The following PCDH11X variants were observed in gnomAD, a reference collection of about 807,000 sequenced individuals.
The protein encoded by PCDH11X is protocadherin 11 X-linked, also known as protocadherin-11 X-linked.
PCDH11X carries 18 observed loss-of-function variants against 53.3 expected under a neutral mutation model. The ratio of observed to expected loss-of-function variants is 0.34; its 90% CI spans 0.23 to 0.50. The LOEUF (loss-of-function observed/expected upper bound fraction) is 0.50. Among genes scored for constraint, PCDH11X ranks in the 20% least tolerant of loss-of-function variants. PCDH11X has a pLI of 0.98. For synonymous variants in PCDH11X, 279 were observed against 393.3 expected, an observed-to-expected ratio of 0.71 and a Z score of 3.44; for missense variants, 570 against 1,032.4, an observed-to-expected ratio of 0.55 and a Z score of 6.14.
chrX:92,298,257 C>T (rs1464989528), intron 8 of PCDH11X, among the ~76,000 whole-genome samples: 3 of 111,874 alleles, frequency 2.7e-5, no homozygotes, highest in Non-Finnish European at 5.6e-5. Flanking sequence ...AGCTTTTGCT[C>T]ATTCAGTATG....
intron 1 of PCDH11X, among the ~76,000 whole-genome samples, chrX:91,804,036 C>T (rs1413168559): frequency 9.0e-6 from 1 of 111,482 alleles, no homozygotes; most frequent in Non-Finnish European, 1.9e-5. Context: ...GGAAGTTTTA[C>T]GCTTCTTGTA....
chrX:92,354,086 A>G (rs1321684441), intron 8 of PCDH11X, among the ~76,000 whole-genome samples: 1 of 85,069 alleles, frequency 1.2e-5, no homozygotes, highest in Non-Finnish European at 2.2e-5. Context: ...ATAATGGAAA[A>G]GATGTTATGA....
At chrX:92,617,694 C>T (rs1260608041) in intron 10 of PCDH11X, among the ~76,000 whole-genome samples, 1 of 110,927 alleles carries the variant, frequency 9.0e-6, no homozygotes, top group Non-Finnish European at 1.9e-5. Context: ...TATTATGTTG[C>T]TAACTTGTAT....
chrX:92,414,026 T>G, intron 9 of PCDH11X, among the ~76,000 whole-genome samples: 1 of 108,183 alleles, frequency 9.2e-6, no homozygotes, highest in Non-Finnish European at 1.9e-5. Flanking sequence ...TAGGAAGAAG[T>G]GCTGGTCTGT....
chrX:91,991,216 G>A (rs1180530948), intron 6 of PCDH11X, among the ~76,000 whole-genome samples: 1 of 94,149 alleles, frequency 1.1e-5, no homozygotes, highest in Non-Finnish European at 2.1e-5. Context: ...TGGCTGGTGT[G>A]TGTTGGGTGG....
chrX:91,973,412 C>T (rs1412516764), intron 6 of PCDH11X, among the ~76,000 whole-genome samples: 2 of 86,761 alleles, frequency 2.3e-5, no homozygotes, highest in South Asian at 5.8e-4. Flanking sequence ...ACATTGTGCA[C>T]ATGTACCCTA....
chrX:92,352,815 T>C (rs1165651634), intron 8 of PCDH11X, among the ~76,000 whole-genome samples: 1 of 111,585 alleles, frequency 9.0e-6, no homozygotes, highest in Non-Finnish European at 1.9e-5. Context: ...CTGTGATGTG[T>C]ACCATCTTCA....
intron 7 of PCDH11X, among the ~76,000 whole-genome samples, chrX:92,238,115 G>A (rs905254968): frequency 8.9e-6 from 1 of 111,891 alleles, no homozygotes; most frequent in African/African-American, 3.2e-5. Flanking sequence ...TTATGTGTCT[G>A]AGAGTCACAA....
At chrX:92,537,887 A>G (rs1175555211) in intron 10 of PCDH11X, among the ~76,000 whole-genome samples, 2 of 109,922 alleles carry the variant, frequency 1.8e-5, no homozygotes, top group African/African-American at 6.6e-5. Context: ...CAGTTTTAAT[A>G]GCTTTTGGTA....
intron 8 of PCDH11X, among the ~76,000 whole-genome samples, chrX:92,376,238 T>G: frequency 8.9e-6 from 1 of 112,136 alleles, no homozygotes; most frequent in East Asian, 2.8e-4. Context: ...CAACTGTCTT[T>G]AATTTGAATT....
At chrX:92,123,489 ACT>A (rs1410179659) in intron 6 of PCDH11X, among the ~76,000 whole-genome samples, 4 of 109,642 alleles carry the variant, frequency 3.6e-5, no homozygotes, top group Non-Finnish European at 7.6e-5. Context: ...TATGCATATG[ACT>A]CTCCTTTTCT....
chrX:92,250,202 A>T lies in PCDH11X; in HGVS notation c.3115-12912A>T, dbSNP rs186444118. Among the ~76,000 whole-genome samples the T allele has an allele frequency of 8.1e-3, 900 of 111,544 alleles. 1 individual carries two copies. Among genetic ancestry groups the T allele is most frequent in the Non-Finnish European group, 0.011 (594 of 52,998 alleles). The stretch of plus-strand genomic sequence containing the variant: ...TACATAATTGTATTAATATAATTAA[A>T]CCAATTTTGGATACCTGCCTATAGT... On this transcript the variant is annotated intron_variant, in intron 7 of 10. Transcript: ENST00000682573.
chrX:91,920,074 C>T (rs1385452477), intron 6 of PCDH11X, among the ~76,000 whole-genome samples: 1 of 111,629 alleles, frequency 9.0e-6, no homozygotes, highest in Admixed American at 9.5e-5. Context: ...TGTGCATCAC[C>T]TTCCAAAATT....
Position 92,459,952 on chromosome X carries a change from A to T in PCDH11X, c.3344-8347A>T, listed in dbSNP as rs142427385. 2.2e-3 allele frequency: 2,593 copies of T among 1,170,899 alleles called. 46 individuals carry two copies. In the African/African-American group the frequency reaches 0.039, roughly 17 times the overall value. On this transcript the variant is annotated intron_variant, in intron 9 of 10. Transcript: ENST00000682573. ...CGACCGCCTGGCCTCTTACCTGGACAGAGTGAGGAGCCTGGAGACTGAGAA... is the reference window on the plus strand; with the variant it reads ...CGACCGCCTGGCCTCTTACCTGGACTGAGTGAGGAGCCTGGAGACTGAGAA...
chrX:92,056,139 T>C (rs1415964244), intron 6 of PCDH11X, among the ~76,000 whole-genome samples: 1 of 111,670 alleles, frequency 9.0e-6, no homozygotes, highest in African/African-American at 3.3e-5. Flanking sequence ...GTTGAATTAA[T>C]TTACACTCCC....
intron 5 of PCDH11X, among the ~76,000 whole-genome samples, chrX:91,860,878 G>T (rs760588234): frequency 1.8e-5 from 2 of 111,577 alleles, no homozygotes; most frequent in Non-Finnish European, 3.8e-5. Context: ...TATTTTATTC[G>T]GGATTTTTGT....
chrX:91,983,260 G>T, intron 6 of PCDH11X: 1 of 860,471 alleles, frequency 1.2e-6, no homozygotes, highest in Admixed American at 2.2e-5. Context: ...TCATCTCGGT[G>T]CCTAGTGTAT....
At chrX:92,565,493 T>G (rs185340865) in intron 10 of PCDH11X, among the ~76,000 whole-genome samples, 2 of 94,873 alleles carry the variant, frequency 2.1e-5, no homozygotes, top group East Asian at 6.1e-4. Flanking sequence ...ACAACATAGA[T>G]GGAGCTGGAG....
At chrX:92,267,785 C>T (rs1465105600) in intron 8 of PCDH11X, among the ~76,000 whole-genome samples, 1 of 112,325 alleles carries the variant, frequency 8.9e-6, no homozygotes, top group Non-Finnish European at 1.9e-5. Context: ...GTGCTGGAGG[C>T]TGGGAAGTCC....
Sources: allele counts gnomAD v4.1 joint callset (sites outside exome capture counted in the v4.1 genomes callset), GRCh38; gene constraint gnomAD v4.1.1; transcripts MANE v1.5; gene names NCBI Gene and HGNC (gene_info 2026-07-23, HGNC 2026-07-21).